MROH7: variants seen among roughly 807,000 people sequenced by gnomAD.
The protein encoded by MROH7 is maestro heat-like repeat-containing protein family member 7.
In MROH7, 113 loss-of-function variants were observed where a neutral mutation model predicts 129.2. The observed-to-expected ratio is 0.87, with a 90% CI of 0.75 to 1.02. MROH7 has a LOEUF of 1.02. MROH7 is among the 50% of genes least tolerant of loss of function. MROH7 has a pLI of 0.00. For missense variants in MROH7, 1,601 were observed against 1,671.3 expected (o/e 0.96, Z 0.73); for synonymous variants, 655 against 667.9 (o/e 0.98, Z 0.30).
intron 15 of MROH7, among the ~76,000 whole-genome samples, chr1:54,687,447 A>G (rs1645166820): frequency 6.6e-6 from 1 of 152,246 alleles, no homozygotes; most frequent in African/African-American, 2.4e-5. Context: ...TAATTGATTT[A>G]ACCAGGCTTC....
chr1:54,676,491 C>A (rs907219817), intron 10 of MROH7, among the ~76,000 whole-genome samples: 1 of 151,708 alleles, frequency 6.6e-6, no homozygotes, highest in Admixed American at 6.6e-5. Context: ...CTCATTGCAA[C>A]CTCCGCCTCC....
chr1:54,650,179 A>G lies in MROH7; in HGVS notation c.-109-1770A>G, dbSNP rs140054449. 2.8e-3 allele frequency among the ~76,000 whole-genome samples: 419 copies of G among 151,938 alleles called. 2 individuals are homozygous for G. The highest frequency in any genetic ancestry group is 9.8e-3 in the African/African-American group (406 of 41,438). ...CATGCCAGGCACTGTAACTACAATCACCCCTGTGGAAGGCTTTATGTGTTC... is the reference window on the plus strand; with the variant it reads ...CATGCCAGGCACTGTAACTACAATCGCCCCTGTGGAAGGCTTTATGTGTTC... On this transcript the variant is annotated intron_variant, in intron 1 of 23. Transcript: ENST00000421030.
At position 54,665,334 on chromosome 1, in the gene MROH7, A is replaced by T. The variant is rs957017517; in HGVS notation, c.1305+94A>T. 8 of 864,390 alleles carry T rather than the reference A, an allele frequency of 9.3e-6. No homozygotes were observed. The East Asian group carries it at 2.0e-4, about 22-fold the overall frequency. 53.5% of individuals were successfully genotyped at this position (864,390 alleles called of 1,614,324 possible). ...CAGCCCAGCAGCCTCCGCATTCCCC[A>T]TGCCTCTGCCCAGCTCTCCTTTTCT... is the stretch of plus-strand genomic sequence containing the variant. On this transcript the variant is annotated intron_variant, in intron 4 of 23. Transcript: ENST00000421030.
At chr1:54,699,644 C>A in intron 17 of MROH7, 1 of 167,782 alleles carries the variant, frequency 6.0e-6, no homozygotes, top group South Asian at 1.7e-4. Context: ...GCAAGCAGTC[C>A]CTGAGCACAT....
Position 54,656,517 on chromosome 1 carries a change from A to G in MROH7, c.1231+2360A>G, listed in dbSNP as rs553548281. The stretch of plus-strand genomic sequence containing the variant: ...AGAGCAAGACTCCATCTCAAAAAAA[A>G]AAAAAAAAAAAGCTTTTTTTTCAGG... On this transcript the variant is annotated intron_variant, in intron 3 of 23. Transcript: ENST00000421030. Among the ~76,000 whole-genome samples the G allele has an allele frequency of 4.1e-3, 610 of 148,284 alleles. 8 individuals carry two copies. The highest frequency in any genetic ancestry group is 0.018 in the Middle Eastern group (5 of 274).
At chr1:54,669,036 A>G in intron 5 of MROH7, 99 bp downstream of exon 5, 3 of 848,218 alleles carry the variant, frequency 3.5e-6, no homozygotes, top group Non-Finnish European at 5.8e-6. Flanking sequence ...AGGTTGAGGT[A>G]GGAAGAGGAC....
chr1:54,683,513 G>T (rs1316194325), intron 14 of MROH7, among the ~76,000 whole-genome samples: 2 of 152,134 alleles, frequency 1.3e-5, no homozygotes, highest in Admixed American at 1.3e-4. Context: ...TCCTGATTCT[G>T]CTCCTGCCCC....
intron 15 of MROH7, among the ~76,000 whole-genome samples, chr1:54,687,924 A>T (rs1388202381): frequency 1.5e-5 from 2 of 137,780 alleles, no homozygotes; most frequent in Non-Finnish European, 3.0e-5. Flanking sequence ...GCTGGAGTGC[A>T]GTGGTGCAAA....
chr1:54,694,369 C>T (rs1645287779), intron 16 of MROH7, among the ~76,000 whole-genome samples: 1 of 152,214 alleles, frequency 6.6e-6, no homozygotes, highest in Non-Finnish European at 1.5e-5. Flanking sequence ...ATGCAGTGCT[C>T]CTCAGACTTG....
intron 3 of MROH7, among the ~76,000 whole-genome samples, chr1:54,655,717 T>C (rs1271565325): frequency 6.6e-6 from 1 of 151,934 alleles, no homozygotes; most frequent in Non-Finnish European, 1.5e-5. Flanking sequence ...TAGGGTTTCT[T>C]AGGGATTTTT....
chr1:54,703,745 T>C lies in MROH7; in HGVS notation c.3564+1000T>C, dbSNP rs1217795824. ...CGCGGTCTCAATCTACCTTCCCTGT[T>C]GTTGTGGGCAGCAGTGAGCATATGA... On this transcript the variant is annotated intron_variant, in intron 21 of 23. Coordinates refer to ENST00000421030, the MANE Select transcript of MROH7 (RefSeq NM_001039464.4). The surrounding 1 kb of genome is among the most constrained non-coding windows in gnomAD (Gnocchi z 4.4). Among the ~76,000 whole-genome samples, 2 of 152,130 alleles carry C rather than the reference T, an allele frequency of 1.3e-5. No homozygotes were observed. The highest frequency in any genetic ancestry group is 2.9e-5 in the Non-Finnish European group (2 of 68,024).
Position 54,668,955 on chromosome 1 carries a change from G to A in MROH7, c.1389+18G>A, listed in dbSNP as rs369207628. On this transcript the variant is annotated intron_variant, in intron 5 of 23. Coordinates refer to ENST00000421030, the MANE Select transcript of MROH7 (RefSeq NM_001039464.4). ...AGATTATGGTGGGGGAGCCACAGGC[G>A]GGTCTGTGGCATTGGGGTGGGAGGG... is the stretch of plus-strand genomic sequence containing the variant. 1.2e-5 allele frequency: 19 copies of A among 1,581,742 alleles called. No individual in the cohort carries two copies. The highest frequency in any genetic ancestry group is 4.4e-5 in the South Asian group (4 of 90,260).
rs200201488 is a variant in MROH7 at position 54,700,416 on chromosome 1, G to A, written c.3060G>A (p.Val1020=). The A allele has an allele frequency of 3.1e-6, 5 of 1,612,594 alleles. No homozygotes were observed. Among genetic ancestry groups the A allele is most frequent in the African/African-American group, 1.3e-5 (1 of 74,928 alleles). The stretch of plus-strand genomic sequence containing the variant: ...GCCACCACGACCCCATCATGAAGGT[G>A]CTGTCCATTCGAGGCCTGGTCATCC... ...GLSHHDPIMK[V]LSIRGLVILA... The change falls in exon 18 of 24, where the codon GTG becomes GTA. Residue 1020 remains valine, a synonymous_variant. Coordinates refer to ENST00000421030, the MANE Select transcript of MROH7 (RefSeq NM_001039464.4).
rs1051630276 is a variant in MROH7, at chr1:54,653,295, A to G, written c.369A>G (p.Pro123=). 4.3e-6 allele frequency: 7 copies of G among 1,614,054 alleles called. No homozygotes were observed. In the African/African-American group the frequency reaches 8.0e-5, roughly 18 times the overall value. Residue 123 remains proline, a synonymous_variant, in exon 3 of 24, where the codon CCA becomes CCG. Transcript: ENST00000421030. ...CTGACTCACAGGGGCGCCTCTGTCC[A>G]GCCTCAAACCCCATTCTGAGCCCTA... The part of the protein sequence containing the change: ...SRPDSQGRLC[P]ASNPILSPSS...
intron 3 of MROH7, among the ~76,000 whole-genome samples, chr1:54,657,705 G>A (rs1216754485): frequency 6.7e-6 from 1 of 148,862 alleles, no homozygotes; most frequent in African/African-American, 2.5e-5. Context: ...TTTTTGAGAT[G>A]GAGTCTTGAT....
In MROH7 at chr1:54,685,546, C is replaced by T. The variant is rs548369685; in HGVS notation, c.2521-712C>T. Among the ~76,000 whole-genome samples the T allele has an allele frequency of 6.6e-5, 10 of 152,258 alleles. No homozygotes were observed. In the South Asian group the frequency reaches 2.1e-3, roughly 32 times the overall value. ...ACCCACTCCCCACCCCCTAGTATTG[C>T]CCTTCTGCCAGTTAGAGAGGACTTG... On this transcript the variant is annotated intron_variant, in intron 14 of 23. Coordinates refer to ENST00000421030, the MANE Select transcript of MROH7 (RefSeq NM_001039464.4).
intron 10 of MROH7, among the ~76,000 whole-genome samples, chr1:54,677,140 T>C (rs182137318): frequency 6.6e-6 from 1 of 152,034 alleles, no homozygotes; most frequent in Non-Finnish European, 1.5e-5. Flanking sequence ...GGCTCACGCC[T>C]GTAATTCCAG....
At chr1:54,701,072 T>G in intron 18 of MROH7, 71 bp from the exon 19 acceptor site, 1 of 1,529,644 alleles carries the variant, frequency 6.5e-7, no homozygotes. Context: ...TTTCAGTGAA[T>G]CAGAGGCTGG....
In MROH7 at chr1:54,658,308, G is replaced by A. The variant is rs541008501; in HGVS notation, c.1231+4151G>A. ...CAACCATAAATGTGTTTATTTCTGG[G>A]TACTCTATTTTGTTTCATTGGTCTA... is the stretch of plus-strand genomic sequence containing the variant. On this transcript the variant is annotated intron_variant, in intron 3 of 23. Transcript: ENST00000421030. Among the ~76,000 whole-genome samples the A allele has an allele frequency of 4.6e-5, 7 of 152,166 alleles. No homozygotes were observed. The East Asian group carries it at 1.4e-3, about 29-fold the overall frequency.
Sources: allele counts gnomAD v4.1 joint callset (sites outside exome capture counted in the v4.1 genomes callset), GRCh38; gene constraint gnomAD v4.1.1; non-coding constraint Gnocchi (gnomAD v3.1); transcripts MANE v1.5; gene names NCBI Gene and HGNC (gene_info 2026-07-23, HGNC 2026-07-21).